Variants in LIMCH1 observed in about 807,000 individuals in gnomAD.
LIMCH1 encodes the protein LIM and calponin homology domains-containing protein 1.
In LIMCH1, 113 loss-of-function variants were observed where a neutral mutation model predicts 176.5. That is an observed-to-expected ratio of 0.64 (90% CI 0.55 to 0.75). The LOEUF (loss-of-function observed/expected upper bound fraction) is 0.75, where lower values mean the gene tolerates loss of function less well. LIMCH1 is among the 30% of genes least tolerant of loss of function. The pLI is 0.00. For missense variants in LIMCH1, 1,674 were observed against 1,814.9 expected, an observed-to-expected ratio of 0.92 and a Z score of 1.41; for synonymous variants, 619 against 645.9, an observed-to-expected ratio of 0.96 and a Z score of 0.63.
intron 1 of LIMCH1, among the ~76,000 whole-genome samples, chr4:41,369,972 A>T (rs989560372): frequency 1.0e-4 from 7 of 69,268 alleles, no homozygotes; most frequent in Non-Finnish European, 5.3e-5. Flanking sequence ...TGTAGTGATT[A>T]AAAAAAGCAG....
intron 17 of LIMCH1, among the ~76,000 whole-genome samples, chr4:41,648,966 A>ATGTG (rs375524717): frequency 7.1e-6 from 1 of 140,348 alleles, no homozygotes; most frequent in Admixed American, 7.1e-5. Flanking sequence ...AGTTATATTT[A>ATGTG]TGTGTGTGTG....
upstream of LIMCH1, among the ~76,000 whole-genome samples, chr4:41,535,865 T>G (rs1397758632): frequency 6.6e-6 from 1 of 152,014 alleles, no homozygotes; most frequent in Admixed American, 6.6e-5. Context: ...GCTGTAAAGC[T>G]TTTTTTTCCC....
chr4:41,531,474 TCA>T lies in LIMCH1; in HGVS notation c.237+7037_237+7038del, dbSNP rs59275736. 9.1e-3 allele frequency among the ~76,000 whole-genome samples: 1,160 copies of T among 127,066 alleles called. 6 individuals are homozygous for T. The highest frequency in any genetic ancestry group is 0.023 in the Middle Eastern group (6 of 258). 83.4% of individuals were successfully genotyped at this position (127,066 alleles called of 152,430 possible). ...CTTTCTCTTCTACAGTCTTTCTCTG[TCA>T]CACACACACACACACACACACACAC... On this transcript the variant is annotated intron_variant, in intron 3 of 26. Transcript: ENST00000313860.
chr4:41,469,704 T>A (rs1223627446), intron 1 of LIMCH1, among the ~76,000 whole-genome samples: 1 of 151,576 alleles, frequency 6.6e-6, no homozygotes, highest in Non-Finnish European at 1.5e-5. Flanking sequence ...ATTTTTGAGA[T>A]GGAATCTCTC....
chr4:41,425,699 C>G (rs1196038052), intron 1 of LIMCH1, among the ~76,000 whole-genome samples: 2 of 152,192 alleles, frequency 1.3e-5, no homozygotes, highest in African/African-American at 4.8e-5. Flanking sequence ...TGCCTGCTGC[C>G]TCTGCTACCT....
At chr4:41,577,501 C>T (rs2084685196) in intron 1 of LIMCH1, among the ~76,000 whole-genome samples, 1 of 152,204 alleles carries the variant, frequency 6.6e-6, no homozygotes, top group South Asian at 2.1e-4. Context: ...ATGATCACAA[C>T]TCACTGCAGC....
At chr4:41,684,955 C>T (rs1037183353) in intron 27 of LIMCH1, among the ~76,000 whole-genome samples, 19 of 152,130 alleles carry the variant, frequency 1.2e-4, no homozygotes, top group Admixed American at 6.5e-5. Flanking sequence ...CCACCTGTGT[C>T]TCCCACGCTC....
upstream of LIMCH1, among the ~76,000 whole-genome samples, chr4:41,535,647 A>T (rs952027742): frequency 2.0e-5 from 3 of 152,260 alleles, no homozygotes; most frequent in Admixed American, 6.5e-5. Flanking sequence ...CAAGATACGA[A>T]TTGGGGGAGG....
chr4:41,528,277 A>G (rs2076897699), intron 3 of LIMCH1, among the ~76,000 whole-genome samples: 1 of 152,162 alleles, frequency 6.6e-6, no homozygotes, highest in South Asian at 2.1e-4. Context: ...GTGGCAAAAT[A>G]CTGTCTCTAG....
intron 25 of LIMCH1, 106 bp from the exon 26 acceptor site, chr4:41,682,227 A>T (rs938944143): frequency 8.9e-5 from 66 of 742,436 alleles, no homozygotes; most frequent in Non-Finnish European, 1.1e-4. Context: ...TCTTTAAATT[A>T]TAGGTAACAT....
chr4:41,507,417 T>C (rs1331917404), intron 2 of LIMCH1, among the ~76,000 whole-genome samples: 2 of 152,158 alleles, frequency 1.3e-5, no homozygotes, highest in East Asian at 3.9e-4. Context: ...AGCCTCCATC[T>C]AGGAGCCTAC....
At chr4:41,392,586 G>A (rs1414221978) in intron 1 of LIMCH1, among the ~76,000 whole-genome samples, 2 of 152,206 alleles carry the variant, frequency 1.3e-5, no homozygotes, top group African/African-American at 2.4e-5. Context: ...TAGGAAAAAT[G>A]TGTGTCTTTG....
intron 1 of LIMCH1, among the ~76,000 whole-genome samples, chr4:41,544,740 G>A (rs952195603): frequency 6.6e-6 from 1 of 152,118 alleles, no homozygotes; most frequent in Non-Finnish European, 1.5e-5. Flanking sequence ...TTGCCACCAC[G>A]TTTCCCTCTG....
At position 41,646,201 on chromosome 4, in the gene LIMCH1, G is replaced by A; in HGVS notation, c.2332G>A (p.Glu778Lys). 1 of 1,614,106 alleles carries A rather than the reference G, an allele frequency of 6.2e-7. No individual in the cohort carries two copies. Among genetic ancestry groups the A allele is most frequent in the Non-Finnish European group, 8.5e-7 (1 of 1,179,984 alleles). Residue 778 changes from glutamate (E) to lysine (K), a missense_variant, in exon 16 of 32, where the codon GAG (glutamate) becomes AAG (lysine). Coordinates refer to ENST00000503057, the MANE Select transcript of LIMCH1 (RefSeq NM_001330672.2). ...IKKEEERKKMEKLLAGEDGTS... is the reference protein window; with the variant it reads ...IKKEEERKKMKKLLAGEDGTS... Reference sequence around the variant, plus strand: ...GAAAGAGGAAGAAAGGAAAAAAATGGAGAAGTTACTGGCTGGAGAAGATGG... The same window carrying A: ...GAAAGAGGAAGAAAGGAAAAAAATGAAGAAGTTACTGGCTGGAGAAGATGG...
intron 2 of LIMCH1, among the ~76,000 whole-genome samples, chr4:41,504,626 G>C (rs1451485768): frequency 6.6e-6 from 1 of 152,208 alleles, no homozygotes; most frequent in East Asian, 1.9e-4. Context: ...CTTGCGCATA[G>C]AGAAATGCAA....
At chr4:41,518,076 T>A (rs1025005523) in intron 2 of LIMCH1, among the ~76,000 whole-genome samples, 3 of 152,214 alleles carry the variant, frequency 2.0e-5, no homozygotes, top group Non-Finnish European at 4.4e-5. Context: ...AGATAGCTCT[T>A]CTGTTCTTCC....
Position 41,629,514 on chromosome 4 carries a change from G to A in LIMCH1, c.1051G>A (p.Val351Met). 6.5e-7 allele frequency: 1 copy of A among 1,536,086 alleles called. No homozygotes were observed. The highest frequency in any genetic ancestry group is 8.7e-7 in the Non-Finnish European group (1 of 1,146,902). The change falls in exon 9 of 32, where the codon GTG becomes ATG. Residue 351 changes from valine (V) to methionine (M), a missense_variant. Around this residue, in one of 3 missense-constraint regions of LIMCH1, gnomAD observed 655 missense variants for 692.2 expected, o/e 0.95. Coordinates refer to ENST00000503057, the MANE Select transcript of LIMCH1 (RefSeq NM_001330672.2). ...YKRNQGHTEE[V>M]KLIVTCNMRA... is the part of the protein sequence containing the mutation. ...CAGAAACCAGGGCCACACAGAAGAG[G>A]TGAAGTTGATAGTGACCTGTAACAT... is the stretch of plus-strand genomic sequence containing the variant.
At chr4:41,414,923 C>A (rs1386421687) in intron 1 of LIMCH1, among the ~76,000 whole-genome samples, 1 of 152,192 alleles carries the variant, frequency 6.6e-6, no homozygotes, top group African/African-American at 2.4e-5. Context: ...ACTCTGGAAT[C>A]AAACCTTAGT....
chr4:41,644,417 C>T, intron 14 of LIMCH1, 83 bp from the exon 15 acceptor site: 1 of 1,400,672 alleles, frequency 7.1e-7, no homozygotes. Flanking sequence ...GGTAGCGCCC[C>T]CACGCGGCAG....
Sources: gnomAD v4.1 joint callset for allele counts (sites outside exome capture counted in the v4.1 genomes callset) on GRCh38, gnomAD v4.1.1 for gene constraint, gnomAD v4.1.1 regional missense constraint, MANE v1.5 for transcripts, NCBI Gene and HGNC (gene_info 2026-07-23, HGNC 2026-07-21) for gene names.